RGS6: variants seen among roughly 807,000 people sequenced by gnomAD.
RGS6 encodes regulator of G protein signaling 6.
RGS6 carries 30 observed loss-of-function variants against 78.5 expected under a neutral mutation model. That is an observed-to-expected ratio of 0.38 (90% CI 0.29 to 0.52). The LOEUF (loss-of-function observed/expected upper bound fraction) is 0.52. Among genes scored for constraint, RGS6 ranks in the 20% least tolerant of loss-of-function variants. The pLI, the probability that RGS6 is intolerant of heterozygous loss-of-function variation, is 0.85. For missense variants in RGS6, 495 were observed against 609.7 expected, an observed-to-expected ratio of 0.81 and a Z score of 1.98; for synonymous variants, 206 against 206.0, an observed-to-expected ratio of 1.00 and a Z score of 0.00.
At chr14:72,286,727 T>G (rs2062631457) in intron 2 of RGS6, among the ~76,000 whole-genome samples, 1 of 152,194 alleles carries the variant, frequency 6.6e-6, no homozygotes, top group Non-Finnish European at 1.5e-5. Context: ...TAAACCTTCT[T>G]GGTTAAGTTT....
At chr14:71,973,994 A>G (rs564585370) in intron 2 of RGS6, among the ~76,000 whole-genome samples, 4 of 152,284 alleles carry the variant, frequency 2.6e-5, no homozygotes, top group African/African-American at 9.6e-5. Flanking sequence ...GATGAGTATA[A>G]CTTTCTAATT....
chr14:72,231,576 C>T (rs560771763), intron 2 of RGS6, among the ~76,000 whole-genome samples: 34 of 152,276 alleles, frequency 2.2e-4, no homozygotes, highest in Admixed American at 2.2e-3. Flanking sequence ...ACACTAGCCC[C>T]AGGTCCAGTG....
intron 3 of RGS6, among the ~76,000 whole-genome samples, chr14:72,440,920 G>A (rs1483746870): frequency 6.6e-6 from 1 of 151,930 alleles, no homozygotes; most frequent in Admixed American, 6.6e-5. Context: ...GTGTAAGTGG[G>A]TGTGAATATG....
At chr14:72,425,483 A>G (rs2094396530) in intron 3 of RGS6, among the ~76,000 whole-genome samples, 1 of 152,242 alleles carries the variant, frequency 6.6e-6, no homozygotes, top group Admixed American at 6.5e-5. Context: ...AAACTGTTAC[A>G]TCCTTAATAC....
chr14:72,070,699 A>G (rs1384278293), intron 2 of RGS6, among the ~76,000 whole-genome samples: 4 of 152,150 alleles, frequency 2.6e-5, no homozygotes, highest in Admixed American at 6.5e-5. Flanking sequence ...CAGCTTGTTA[A>G]AGGGAGCACT....
the RGS6 span, among the ~76,000 whole-genome samples, chr14:71,902,915 C>A: frequency 6.6e-6 from 1 of 152,224 alleles, no homozygotes; most frequent in African/African-American, 2.4e-5. Flanking sequence ...GAGCACAGGG[C>A]AGGTGATGTG....
chr14:72,406,107 C>T (rs1247074887), intron 3 of RGS6, among the ~76,000 whole-genome samples: 4 of 152,180 alleles, frequency 2.6e-5, no homozygotes, highest in Admixed American at 2.6e-4. Flanking sequence ...GAAATAAGGG[C>T]CAGGCACAGT....
chr14:71,918,047 G>A, the RGS6 span, among the ~76,000 whole-genome samples: 2 of 151,664 alleles, frequency 1.3e-5, no homozygotes, highest in Non-Finnish European at 2.9e-5. Flanking sequence ...CGGGCGTGGT[G>A]GCGGGCGCCT....
intron 13 of RGS6, among the ~76,000 whole-genome samples, chr14:72,506,180 T>C (rs1339745332): frequency 1.3e-5 from 2 of 152,220 alleles, no homozygotes; most frequent in African/African-American, 4.8e-5. Context: ...TGAAAAGTCC[T>C]ATGCTCATTA....
chr14:71,947,509 G>T (rs1222695673), intron 1 of RGS6, among the ~76,000 whole-genome samples: 1 of 152,132 alleles, frequency 6.6e-6, no homozygotes, highest in South Asian at 2.1e-4. Context: ...TTTCGAGACA[G>T]GGTCTCACTC....
In RGS6 at chr14:72,118,244, T is replaced by C. The variant is rs1005723423; in HGVS notation, c.84+153369T>C. Among the ~76,000 whole-genome samples, 37 of 152,012 alleles carry C rather than the reference T, an allele frequency of 2.4e-4. 2 individuals are homozygous for C. The highest frequency in any genetic ancestry group is 1.8e-3 in the Admixed American group (27 of 15,268). ...AAGGCTATAATGGGAGACACCTTCA[T>C]AGATTTTGAGTTCGGCTAAAATACC... On this transcript the variant is annotated intron_variant, in intron 2 of 17. Transcript: ENST00000553525.
At chr14:72,197,744 C>T (rs1035915653) in intron 2 of RGS6, among the ~76,000 whole-genome samples, 1 of 151,972 alleles carries the variant, frequency 6.6e-6, no homozygotes, top group Non-Finnish European at 1.5e-5. Context: ...CAGCTGGTGT[C>T]CCCCTAAACT....
At chr14:72,337,713 A>C (rs2152646851) in intron 2 of RGS6, among the ~76,000 whole-genome samples, 1 of 152,338 alleles carries the variant, frequency 6.6e-6, no homozygotes, top group Non-Finnish European at 1.5e-5. Flanking sequence ...GAAGAGCTAC[A>C]GGGAGACAAG....
intron 12 of RGS6, among the ~76,000 whole-genome samples, chr14:72,486,540 A>G (rs1249195282): frequency 1.3e-5 from 2 of 152,090 alleles, no homozygotes; most frequent in Non-Finnish European, 2.9e-5. Context: ...CAGAATCCCT[A>G]TCTGCTTCAC....
chr14:72,374,025 A>T (rs2152847899), intron 3 of RGS6, among the ~76,000 whole-genome samples: 2 of 152,318 alleles, frequency 1.3e-5, no homozygotes, highest in Middle Eastern at 6.8e-3. Flanking sequence ...TATTTTTAAA[A>T]AGGCTATCCA....
At chr14:72,399,192 T>C (rs2091976038) in intron 3 of RGS6, among the ~76,000 whole-genome samples, 1 of 148,950 alleles carries the variant, frequency 6.7e-6, no homozygotes, top group Non-Finnish European at 1.5e-5. Context: ...CACTAAGGGC[T>C]TGCTTTATGA....
chr14:71,971,906 GTTTTTTTTTTTTTTTT>G (rs57854685), intron 2 of RGS6, among the ~76,000 whole-genome samples: 1 of 104,448 alleles, frequency 9.6e-6, no homozygotes, highest in Non-Finnish European at 1.9e-5. Flanking sequence ...AATATGGCAG[GTTTTTTTTTTTTTTTT>G]TTTTTTTTTT....
intron 3 of RGS6, among the ~76,000 whole-genome samples, chr14:72,442,907 G>T (rs962196422): frequency 3.9e-5 from 6 of 152,196 alleles, no homozygotes; most frequent in African/African-American, 1.4e-4. Flanking sequence ...AAATTGATCT[G>T]GGAGTAGATC....
intron 13 of RGS6, among the ~76,000 whole-genome samples, chr14:72,509,764 G>A (rs2096856397): frequency 6.6e-6 from 1 of 152,174 alleles, no homozygotes; most frequent in Admixed American, 6.6e-5. Context: ...GGGAGGTGGA[G>A]GATAGTGTGT....
Sources: gnomAD v4.1 joint callset for allele counts (sites outside exome capture counted in the v4.1 genomes callset) on GRCh38, gnomAD v4.1.1 for gene constraint, MANE v1.5 for transcripts, NCBI Gene and HGNC (gene_info 2026-07-23, HGNC 2026-07-21) for gene names.